GRM5: variants seen among roughly 807,000 people sequenced by gnomAD.
The protein encoded by GRM5 is metabotropic glutamate receptor 5.
GRM5 carries 19 observed loss-of-function variants against 83.1 expected under a neutral mutation model. The observed-to-expected ratio is 0.23, with a 90% CI of 0.16 to 0.34. The LOEUF is 0.34. Among genes scored for constraint, GRM5 ranks in the 10% least tolerant of loss-of-function variants. The pLI, the probability that GRM5 is intolerant of heterozygous loss-of-function variation, is 1.00. For synonymous variants in GRM5, 675 were observed against 633.6 expected (o/e 1.07, Z -0.98); for missense variants, 1,160 against 1,588.3 (o/e 0.73, Z 4.58).
chr11:88,801,755 A>C (rs1278900170), intron 3 of GRM5, among the ~76,000 whole-genome samples: 1 of 152,156 alleles, frequency 6.6e-6, no homozygotes, highest in Non-Finnish European at 1.5e-5. Context: ...AATGAAAGGC[A>C]CATTTGCTTC....
intron 3 of GRM5, among the ~76,000 whole-genome samples, chr11:88,805,485 C>T (rs1031443761): frequency 2.0e-5 from 3 of 152,098 alleles, no homozygotes; most frequent in East Asian, 1.9e-4. Flanking sequence ...CCACCACGCA[C>T]GGCCCGTATA....
At position 88,567,025 on chromosome 11, in the gene GRM5, C is replaced by T; in HGVS notation, c.2630+28G>A. The stretch of plus-strand genomic sequence containing the variant: ...CCTCTGCTCCAGTTTTAGGGGCCAG[C>T]ATCCCTGTAAGCCCCCACAACTTTT... On this transcript the variant is annotated intron_variant, in intron 8 of 9. Transcript: ENST00000305447. This position sits in a 1 kb window ranked among gnomAD's most constrained non-coding sequence, Gnocchi z 7.3. 1 of 1,418,256 alleles carries T rather than the reference C, an allele frequency of 7.1e-7. No homozygotes were observed. Among genetic ancestry groups the T allele is most frequent in the Non-Finnish European group, 9.7e-7 (1 of 1,028,544 alleles). The allele number at this position is 1,418,256 out of a possible 1,614,324, so 87.9% of individuals were successfully genotyped here.
At position 88,668,212 on chromosome 11, in the gene GRM5, G is replaced by GCACACACACACACACA. The variant is rs71046259; in HGVS notation, c.912-14825_912-14810dup. On this transcript the variant is annotated intron_variant, in intron 3 of 9. Transcript: ENST00000305447. ...TTATTTAAAACATCTGCAGAAACTC[G>GCACACACACACACACA]CACACACACACACACACACAAAGAC... 1.5e-4 allele frequency among the ~76,000 whole-genome samples: 22 copies of GCACACACACACACACA among 142,674 alleles called. No individual in the cohort carries two copies. In the East Asian group the frequency reaches 3.5e-3, roughly 23 times the overall value. The allele number at this position is 142,674 out of a possible 152,430, so 93.6% of individuals were successfully genotyped here. A position where few individuals can be genotyped will look rare whatever the true frequency, so the allele number is the denominator to read the frequency against.
At chr11:88,774,132 C>T (rs1478475848) in intron 3 of GRM5, among the ~76,000 whole-genome samples, 1 of 152,122 alleles carries the variant, frequency 6.6e-6, no homozygotes, top group African/African-American at 2.4e-5. Flanking sequence ...TTTCATTGAG[C>T]AGTGGTTTGT....
At position 88,525,337 on chromosome 11, in the gene GRM5, C is replaced by T. The variant is rs1348841044; in HGVS notation, c.2698G>A (p.Gly900Arg). Residue 900 changes from glycine (G) to arginine (R), a missense_variant, in exon 9 of 10, where the codon GGG (glycine) becomes AGG (arginine). Coordinates refer to ENST00000305447, the MANE Select transcript of GRM5 (RefSeq NM_001143831.3). Reference protein sequence around the residue: ...IECFTPKGSMGNGGRATMSSS... With the variant: ...IECFTPKGSMRNGGRATMSSS... ...CTCATTGTTGCTCTCCCACCATTCC[C>T]CATACTCCCTTTGGGGGTGAAACAC... 1.2e-6 allele frequency: 2 copies of T among 1,610,616 alleles called. No individual in the cohort carries two copies. Among genetic ancestry groups the T allele is most frequent in the Non-Finnish European group, 1.7e-6 (2 of 1,176,986 alleles).
chr11:88,668,270 GTTTA>G (rs998462826), intron 3 of GRM5, among the ~76,000 whole-genome samples: 1 of 135,098 alleles, frequency 7.4e-6, no homozygotes, highest in Non-Finnish European at 1.6e-5. Context: ...ATCAGTGGAA[GTTTA>G]TTTAAAACAT....
chr11:88,791,515 T>C (rs1329454549), intron 3 of GRM5, among the ~76,000 whole-genome samples: 8 of 152,142 alleles, frequency 5.3e-5, no homozygotes, highest in Admixed American at 5.2e-4. Context: ...AACTAATAGA[T>C]GCAAGTCTCC....
intron 3 of GRM5, among the ~76,000 whole-genome samples, chr11:88,822,765 TTCTTTCTCTCTC>T (rs1356799825): frequency 2.0e-5 from 3 of 151,866 alleles, no homozygotes; most frequent in African/African-American, 7.2e-5. Context: ...TCAATCCATA[TTCTTTCTCTCTC>T]TCTTTCTCTC....
intron 4 of GRM5, among the ~76,000 whole-genome samples, chr11:88,651,114 C>T (rs1292241525): frequency 1.3e-5 from 2 of 151,952 alleles, no homozygotes; most frequent in African/African-American, 4.8e-5. Context: ...TAGAGAGCTA[C>T]AGCAGCAAGG....
chr11:88,954,771 T>A (rs1938558900), intron 2 of GRM5, among the ~76,000 whole-genome samples: 2 of 152,220 alleles, frequency 1.3e-5, no homozygotes, highest in Admixed American at 1.3e-4. Context: ...TGGCTGATTT[T>A]GTTACCATTG....
At chr11:88,574,492 G>A (rs1363228856) in intron 7 of GRM5, among the ~76,000 whole-genome samples, 2 of 152,134 alleles carry the variant, frequency 1.3e-5, no homozygotes, top group African/African-American at 4.8e-5. Flanking sequence ...CTCGTGGGCA[G>A]GTGCAGTGGC....
At position 88,506,511 on chromosome 11, in the gene GRM5, C is replaced by T. The variant is rs919517728; in HGVS notation, c.*2081G>A. The T allele has an allele frequency of 1.3e-5, 2 of 152,136 alleles. No individual in the cohort carries two copies. The highest frequency in any genetic ancestry group is 2.9e-5 in the Non-Finnish European group (2 of 68,016). 9.4% of individuals were successfully genotyped at this position (152,136 alleles called of 1,614,324 possible). On this transcript the variant is annotated 3_prime_UTR_variant, in exon 10 of 10. Transcript: ENST00000305447. The stretch of plus-strand genomic sequence containing the variant: ...TTTTTCAGATAGAGGCAGACATTTG[C>T]TTTTAATGAAACCATGAAACTTAGC...
At chr11:88,705,843 C>T (rs893822816) in intron 3 of GRM5, among the ~76,000 whole-genome samples, 3 of 151,936 alleles carry the variant, frequency 2.0e-5, no homozygotes, top group Non-Finnish European at 4.4e-5. Flanking sequence ...AATCTGTCTC[C>T]ATCTCTCAAC....
intron 3 of GRM5, among the ~76,000 whole-genome samples, chr11:88,848,839 C>G (rs11021593): frequency 0.017 from 2,606 of 152,288 alleles, 45 homozygotes; most frequent in East Asian, 0.068. Context: ...CTGAGTAAAG[C>G]AGATTGCCCT....
Position 88,992,699 on chromosome 11 carries a change from G to A in GRM5, c.661+54513C>T, listed in dbSNP as rs1371595586. Among the ~76,000 whole-genome samples the A allele has an allele frequency of 2.0e-5, 3 of 151,752 alleles. No individual in the cohort carries two copies. The South Asian group carries it at 6.2e-4, about 32-fold the overall frequency. On this transcript the variant is annotated intron_variant, in intron 2 of 9. Transcript: ENST00000305447. ...ATACTATGCAGCCATAAAAAATGAT[G>A]AGTTCATGTCCTTTGTAGGGACATG... is the stretch of plus-strand genomic sequence containing the variant.
At chr11:88,778,236 T>C (rs919117066) in intron 3 of GRM5, among the ~76,000 whole-genome samples, 2 of 152,214 alleles carry the variant, frequency 1.3e-5, no homozygotes, top group Non-Finnish European at 2.9e-5. Context: ...GGAGCAAGGC[T>C]CCATGGGCGT....
chr11:88,680,040 A>G (rs1565183616), intron 3 of GRM5, among the ~76,000 whole-genome samples: 1 of 152,146 alleles, frequency 6.6e-6, no homozygotes, highest in Admixed American at 6.6e-5. Context: ...CTGGTAATCT[A>G]TGGGGGTTAA....
chr11:88,692,381 G>T (rs12287450), intron 3 of GRM5, among the ~76,000 whole-genome samples: 3,690 of 152,232 alleles, frequency 0.024, 129 homozygotes, highest in African/African-American at 0.083. Context: ...TGCATTAATG[G>T]ATGAATGAGT....
chr11:88,733,560 A>C (rs930328630), intron 3 of GRM5, among the ~76,000 whole-genome samples: 1 of 151,986 alleles, frequency 6.6e-6, no homozygotes, highest in East Asian at 1.9e-4. Context: ...CGAATTTTCT[A>C]TGAGATTTTC....
Sources: allele counts gnomAD v4.1 joint callset (sites outside exome capture counted in the v4.1 genomes callset), GRCh38; gene constraint gnomAD v4.1.1; non-coding constraint Gnocchi (gnomAD v3.1); transcripts MANE v1.5; gene names NCBI Gene and HGNC (gene_info 2026-07-23, HGNC 2026-07-21).